The following RBFOX1 variants were observed in gnomAD, a reference collection of about 807,000 sequenced individuals.
RBFOX1 encodes RNA binding protein fox-1 homolog 1.
RBFOX1 carries 8 observed loss-of-function variants against 57.7 expected under a neutral mutation model. The observed-to-expected ratio is 0.14, with a 90% CI of 0.08 to 0.25. RBFOX1 has a LOEUF of 0.25. Among genes scored for constraint, RBFOX1 ranks in the 10% least tolerant of loss-of-function variants. The probability of loss-of-function intolerance (pLI) is 1.00; values close to 1 mark genes in which losing one functional copy is unlikely to be tolerated. For missense variants in RBFOX1, 611 were observed against 548.5 expected, an observed-to-expected ratio of 1.11 and a Z score of -1.14; for synonymous variants, 326 against 222.4, an observed-to-expected ratio of 1.47 and a Z score of -4.15.
chr16:7,298,558 C>A (rs1407766758), intron 4 of RBFOX1, among the ~76,000 whole-genome samples: 1 of 152,090 alleles, frequency 6.6e-6, no homozygotes, highest in Non-Finnish European at 1.5e-5. Context: ...TCCCAAAGTG[C>A]CGGGATTACA....
intron 3 of RBFOX1, among the ~76,000 whole-genome samples, chr16:6,752,592 T>G (rs1038362575): frequency 3.9e-5 from 6 of 152,216 alleles, no homozygotes; most frequent in African/African-American, 1.4e-4. Context: ...CTTTGTAAAC[T>G]TCTTTAAGCT....
chr16:7,463,397 G>C (rs998030880), intron 4 of RBFOX1, among the ~76,000 whole-genome samples: 1 of 152,076 alleles, frequency 6.6e-6, no homozygotes, highest in Non-Finnish European at 1.5e-5. Context: ...TCCGATACTC[G>C]GGAGGCTGAC....
chr16:7,182,128 G>C (rs1389053740), intron 4 of RBFOX1, among the ~76,000 whole-genome samples: 1 of 152,138 alleles, frequency 6.6e-6, no homozygotes, highest in African/African-American at 2.4e-5. Context: ...ATTCGTAGTT[G>C]TCTCATAAAA....
intron 4 of RBFOX1, among the ~76,000 whole-genome samples, chr16:5,981,654 A>G (rs1225317566): frequency 6.6e-6 from 1 of 151,972 alleles, no homozygotes; most frequent in Non-Finnish European, 1.5e-5. Context: ...TTTTTAGTAG[A>G]GATGGGGTTT....
At chr16:5,355,624 G>C (rs1330913455) in intron 1 of RBFOX1, among the ~76,000 whole-genome samples, 1 of 152,160 alleles carries the variant, frequency 6.6e-6, no homozygotes, top group Non-Finnish European at 1.5e-5. Context: ...TTTAGAAGGG[G>C]CCTGTAGTGG....
At chr16:6,572,225 T>A (rs1005572976) in intron 2 of RBFOX1, among the ~76,000 whole-genome samples, 2 of 152,226 alleles carry the variant, frequency 1.3e-5, no homozygotes, top group Non-Finnish European at 2.9e-5. Flanking sequence ...TTTGATTTCA[T>A]AATGTATATT....
chr16:6,983,696 G>C (rs1363271322), intron 3 of RBFOX1: 1 of 152,360 alleles, frequency 6.6e-6, no homozygotes, highest in African/African-American at 2.4e-5. Flanking sequence ...TGGGAAAACA[G>C]TGTTGCATCT....
intron 4 of RBFOX1, among the ~76,000 whole-genome samples, chr16:5,890,655 C>T (rs1342333444): frequency 7.0e-6 from 1 of 143,064 alleles, no homozygotes; most frequent in Non-Finnish European, 1.5e-5. Flanking sequence ...CGAGATCATA[C>T]CACTGCACTC....
chr16:6,563,197 A>G (rs2097207672), intron 2 of RBFOX1, among the ~76,000 whole-genome samples: 1 of 152,154 alleles, frequency 6.6e-6, no homozygotes, highest in South Asian at 2.1e-4. Flanking sequence ...AATTAGTTCT[A>G]GTCCATGGCA....
rs2050023974 is a variant in RBFOX1, at chr16:5,671,940, C to G, written c.318+72979C>G. On this transcript the variant is annotated intron_variant, in intron 3 of 19. Transcript: ENST00000641259. ...ATAGCTTTTTCCAGGTAGAGTCACA[C>G]TTATAATCAGTTTTCTCTCAAAGTG... Among the ~76,000 whole-genome samples the G allele has an allele frequency of 3.3e-5, 5 of 152,104 alleles. No individual in the cohort carries two copies. The South Asian group carries it at 1.0e-3, about 32-fold the overall frequency.
intron 1 of RBFOX1, among the ~76,000 whole-genome samples, chr16:6,094,296 GGGGAAA>G (rs1479865531): frequency 3.3e-5 from 5 of 152,148 alleles, no homozygotes; most frequent in African/African-American, 1.2e-4. Flanking sequence ...AGAGACCATT[GGGGAAA>G]TGATTTTGAG....
intron 3 of RBFOX1, among the ~76,000 whole-genome samples, chr16:5,853,915 G>A (rs1159206678): frequency 1.3e-5 from 2 of 152,170 alleles, no homozygotes; most frequent in African/African-American, 4.8e-5. Context: ...ATGTGCCACT[G>A]CACCCAGCCA....
rs111463750 is a variant in RBFOX1 at position 6,853,411 on chromosome 16, T to C, written c.-15-198646T>C. ...GAATTTTAGTTCGCAGAGTTACTGA[T>C]AGTGCCTGCCCCCAGCCATTGGGCT... is the stretch of plus-strand genomic sequence containing the variant. On this transcript the variant is annotated intron_variant, in intron 3 of 15. Coordinates refer to ENST00000550418, the MANE Select transcript of RBFOX1 (RefSeq NM_018723.4). Among the ~76,000 whole-genome samples, 15 of 152,290 alleles carry C rather than the reference T, an allele frequency of 9.8e-5. 1 individual carries two copies. The highest frequency in any genetic ancestry group is 1.9e-4 in the East Asian group (1 of 5,180).
intron 1 of RBFOX1, among the ~76,000 whole-genome samples, chr16:6,310,718 G>A (rs2080153605): frequency 6.6e-6 from 1 of 152,136 alleles, no homozygotes; most frequent in African/African-American, 2.4e-5. Flanking sequence ...ACAGCCTGGT[G>A]CTTCGAGGTG....
chr16:6,728,726 T>C (rs561857906), intron 3 of RBFOX1, among the ~76,000 whole-genome samples: 1 of 152,256 alleles, frequency 6.6e-6, no homozygotes, highest in East Asian at 1.9e-4. Flanking sequence ...TATTTAATGC[T>C]CAATAGAAGA....
At chr16:6,998,865 G>C (rs1455061064) in intron 3 of RBFOX1, among the ~76,000 whole-genome samples, 1 of 151,134 alleles carries the variant, frequency 6.6e-6, no homozygotes, top group Non-Finnish European at 1.5e-5. Context: ...AATTAATTAA[G>C]TATTATTATT....
At chr16:6,862,977 T>G (rs1267972564) in intron 3 of RBFOX1, among the ~76,000 whole-genome samples, 1 of 103,420 alleles carries the variant, frequency 9.7e-6, no homozygotes, top group Non-Finnish European at 2.6e-5. Context: ...AGAGGGAGAC[T>G]CTGTCTAAAA....
At chr16:7,707,278 A>C (rs2082763017) in intron 14 of RBFOX1, among the ~76,000 whole-genome samples, 1 of 152,154 alleles carries the variant, frequency 6.6e-6, no homozygotes, top group South Asian at 2.1e-4. Context: ...GAGTCTGAGA[A>C]GGTCCATCAT....
At chr16:5,401,398 A>G (rs570431) in intron 1 of RBFOX1, among the ~76,000 whole-genome samples, 38,798 of 151,932 alleles carry the variant, frequency 0.26, 5,271 homozygotes, top group African/African-American at 0.34. Context: ...GTGGTTCAGC[A>G]ATGTCCGTGC....
Sources: gnomAD v4.1 joint callset for allele counts (sites outside exome capture counted in the v4.1 genomes callset) on GRCh38, gnomAD v4.1.1 for gene constraint, MANE v1.5 for transcripts, NCBI Gene and HGNC (gene_info 2026-07-23, HGNC 2026-07-21) for gene names.